PLA2G6: variants seen among roughly 807,000 people sequenced by gnomAD.
PLA2G6 encodes 85/88 kDa calcium-independent phospholipase A2.
Under a neutral mutation model 83.8 loss-of-function variants are expected in PLA2G6, and 62 were observed. The ratio of observed to expected loss-of-function variants is 0.74; its 90% CI spans 0.60 to 0.91. The LOEUF is 0.91. Among genes scored for constraint, PLA2G6 ranks in the 40% least tolerant of loss-of-function variants. The pLI is 0.00. For synonymous variants in PLA2G6, 417 were observed against 449.8 expected (o/e 0.93, Z 0.92); for missense variants, 944 against 1,102.0 (o/e 0.86, Z 2.03).
intron 12 of PLA2G6, among the ~76,000 whole-genome samples, chr22:38,119,714 G>A (rs1325004776): frequency 6.6e-6 from 1 of 152,136 alleles, no homozygotes; most frequent in Non-Finnish European, 1.5e-5. Flanking sequence ...TCAGGCGGCT[G>A]AGATGGGAGG....
intron 9 of PLA2G6, chr22:38,127,157 C>T (rs1017269418): frequency 5.2e-6 from 6 of 1,154,606 alleles, no homozygotes; most frequent in Non-Finnish European, 6.5e-6. Context: ...GACAGCCCCC[C>T]ACCACTGTGC....
chr22:38,171,253 G>A (rs1415096593), intron 1 of PLA2G6, among the ~76,000 whole-genome samples: 1 of 151,606 alleles, frequency 6.6e-6, no homozygotes, highest in Non-Finnish European at 1.5e-5. Flanking sequence ...ATCTCTCAAT[G>A]ATGTCTATCT....
chr22:38,125,110 GTGTATGTACATGCA>G (rs1232839650), intron 10 of PLA2G6, among the ~76,000 whole-genome samples: 1 of 150,232 alleles, frequency 6.7e-6, no homozygotes, highest in Non-Finnish European at 1.5e-5. Flanking sequence ...GCACAGGTGT[GTGTATGTACATGCA>G]TGTGTGTACA....
chr22:38,125,820 G>A, intron 10 of PLA2G6: 1 of 420,846 alleles, frequency 2.4e-6, no homozygotes, highest in South Asian at 1.7e-5. Flanking sequence ...AAACGCATTT[G>A]TCCTGGTACC....
At chr22:38,150,214 G>A (rs190297696) in intron 2 of PLA2G6, 9 of 152,154 alleles carry the variant, frequency 5.9e-5, no homozygotes, top group Non-Finnish European at 7.4e-5. Flanking sequence ...TTAATCTGGC[G>A]ATGTAACTGC....
At chr22:38,115,793 G>C (rs2087154810) in intron 13 of PLA2G6, 112 bp from the exon 14 acceptor site, 1 of 1,489,300 alleles carries the variant, frequency 6.7e-7, no homozygotes. Flanking sequence ...GAAGAGGGGA[G>C]GCTGGGAACT....
intron 9 of PLA2G6, chr22:38,127,215 T>TC (rs1376609556): frequency 6.7e-6 from 8 of 1,189,450 alleles, no homozygotes; most frequent in Admixed American, 3.4e-5. Context: ...AAGCGGTGTC[T>TC]CCCCCTCCCC....
In PLA2G6 at chr22:38,145,833, A is replaced by ACACC. The variant is rs1491467180; in HGVS notation, c.210-181_210-180insGGTG. ...CACACACACACACACACACACACAC[A>ACACC]CCCCTATACACATGTAAATGACATA... On this transcript the variant is annotated intron_variant, in intron 2 of 16. Coordinates refer to ENST00000332509, the MANE Select transcript of PLA2G6 (RefSeq NM_003560.4). 329 of 594,910 alleles carry ACACC rather than the reference A, an allele frequency of 5.5e-4. 1 individual carries two copies. The highest frequency in any genetic ancestry group is 6.9e-4 in the South Asian group (39 of 56,292). 36.9% of individuals were successfully genotyped at this position (594,910 alleles called of 1,614,324 possible).
intron 4 of PLA2G6, chr22:38,142,446 G>C (rs576852362): frequency 1.0e-4 from 16 of 155,788 alleles, no homozygotes; most frequent in African/African-American, 3.9e-4. Flanking sequence ...AACGTTAACA[G>C]GAGGGCCTCT....
rs540249986 is a variant in PLA2G6 at position 38,129,646 on chromosome 22, G to A, written c.1078-84C>T. On this transcript the variant is annotated intron_variant, in intron 7 of 16. Transcript: ENST00000332509. ...GGCCCCTGGCTGCCAGCCCCAACCTGTCAACTCACCCAGCGGGCCTCTCCT... is the reference window on the plus strand; with the variant it reads ...GGCCCCTGGCTGCCAGCCCCAACCTATCAACTCACCCAGCGGGCCTCTCCT... 25 of 978,250 alleles carry A rather than the reference G, an allele frequency of 2.6e-5. No individual in the cohort carries two copies. The African/African-American group carries it at 4.0e-4, about 16-fold the overall frequency. 60.6% of individuals were successfully genotyped at this position (978,250 alleles called of 1,614,324 possible).
intron 1 of PLA2G6, among the ~76,000 whole-genome samples, chr22:38,172,758 T>C (rs1262482960): frequency 6.6e-6 from 1 of 152,052 alleles, no homozygotes; most frequent in Admixed American, 6.5e-5. Flanking sequence ...GAGCCTCAGA[T>C]TGAGGGAGAA....
At chr22:38,176,114 T>C (rs572947377) in intron 1 of PLA2G6, among the ~76,000 whole-genome samples, 2 of 152,062 alleles carry the variant, frequency 1.3e-5, no homozygotes, top group Non-Finnish European at 2.9e-5. Context: ...CGGGAGAACC[T>C]GTATCTAGCA....
chr22:38,173,669 G>A (rs1294803384), intron 1 of PLA2G6, among the ~76,000 whole-genome samples: 2 of 152,132 alleles, frequency 1.3e-5, no homozygotes, highest in Non-Finnish European at 2.9e-5. Flanking sequence ...GCTGAAGGAC[G>A]GGAGGAACAA....
rs535174633 is a variant in PLA2G6, at chr22:38,133,240, C to G, written c.895-227G>C. On this transcript the variant is annotated intron_variant, in intron 6 of 16. Transcript: ENST00000332509. ...GGACAAAAAGCCAAAGATGTGCTGA[C>G]TGTTTTAAGAGGCTTCTGGTCCTTT... The G allele has an allele frequency of 1.3e-4, 75 of 592,910 alleles. No individual in the cohort carries two copies. In the East Asian group the frequency reaches 2.0e-3, roughly 16 times the overall value. The allele number at this position is 592,910 out of a possible 1,614,324, so 36.7% of individuals were successfully genotyped here. A position where few individuals can be genotyped will look rare whatever the true frequency, so the allele number is the denominator to read the frequency against.
At chr22:38,120,305 G>C (rs1446572692) in intron 12 of PLA2G6, among the ~76,000 whole-genome samples, 2 of 152,258 alleles carry the variant, frequency 1.3e-5, no homozygotes, top group Non-Finnish European at 2.9e-5. Flanking sequence ...CCGATCCTGG[G>C]AGCGAGTGCT....
Position 38,123,322 on chromosome 22 carries a change from C to A in PLA2G6, c.1428-64G>T. ...CCACAGCCCAGTACTTTACATCCAC[C>A]CTCATAGCCCTTGTCCCCTGCAGCT... On this transcript the variant is annotated intron_variant, in intron 10 of 16. Transcript: ENST00000332509. This position sits in a 1 kb window ranked among gnomAD's most constrained non-coding sequence, Gnocchi z 4.1. 3 of 1,489,390 alleles carry A rather than the reference C, an allele frequency of 2.0e-6. No individual in the cohort carries two copies. The highest frequency in any genetic ancestry group is 1.2e-5 in the South Asian group (1 of 82,696). 92.3% of individuals were successfully genotyped at this position (1,489,390 alleles called of 1,614,324 possible).
rs189012983 is a variant in PLA2G6, at chr22:38,175,547, C to T, written c.-45-6076G>A. 8.5e-5 allele frequency among the ~76,000 whole-genome samples: 13 copies of T among 152,340 alleles called. No homozygotes were observed. In the Middle Eastern group the frequency reaches 0.014, roughly 159 times the overall value. On this transcript the variant is annotated intron_variant, in intron 1 of 16. Coordinates refer to ENST00000332509, the MANE Select transcript of PLA2G6 (RefSeq NM_003560.4). ...AGTGCACTTGGGGATACCACACATA[C>T]GCTCCATCAGCGTAGCCCATCCTCC...
At position 38,123,384 on chromosome 22, in the gene PLA2G6, C is replaced by G; in HGVS notation, c.1428-126G>C. 1.0e-6 allele frequency: 1 copy of G among 984,056 alleles called. No homozygotes were observed. The highest frequency in any genetic ancestry group is 1.6e-6 in the Non-Finnish European group (1 of 641,756). The allele number at this position is 984,056 out of a possible 1,614,324, so 61.0% of individuals were successfully genotyped here. A position where few individuals can be genotyped will look rare whatever the true frequency, so the allele number is the denominator to read the frequency against. On this transcript the variant is annotated intron_variant, in intron 10 of 16. Coordinates refer to ENST00000332509, the MANE Select transcript of PLA2G6 (RefSeq NM_003560.4). This position sits in a 1 kb window ranked among gnomAD's most constrained non-coding sequence, Gnocchi z 4.1. ...GACAGACCCAGACGGACCCGAGGAA[C>G]TTCTGTCCTATGCAGGACAGCGAGG...
chr22:38,160,674 G>T (rs1037882693), intron 2 of PLA2G6, among the ~76,000 whole-genome samples: 2 of 152,098 alleles, frequency 1.3e-5, no homozygotes, highest in African/African-American at 4.8e-5. Context: ...GTGAAACCTC[G>T]TCTCTACTAA....
Sources: gnomAD v4.1 joint callset for allele counts (sites outside exome capture counted in the v4.1 genomes callset) on GRCh38, gnomAD v4.1.1 for gene constraint, Gnocchi (gnomAD v3.1) non-coding constraint, MANE v1.5 for transcripts, NCBI Gene and HGNC (gene_info 2026-07-23, HGNC 2026-07-21) for gene names.